SPRED2: variants seen among roughly 807,000 people sequenced by gnomAD.
SPRED2 encodes sprouty related EVH1 domain containing 2, also known as sprouty-related, EVH1 domain-containing protein 2.
SPRED2 carries 47 observed loss-of-function variants against 43.0 expected under a neutral mutation model. The ratio of observed to expected loss-of-function variants is 1.09; its 90% CI spans 0.87 to 1.40. The LOEUF (loss-of-function observed/expected upper bound fraction) is 1.40. SPRED2 is among the 40% of genes most tolerant of loss of function. The pLI is 0.00. For synonymous variants in SPRED2, 225 were observed against 225.7 expected (o/e 1.00, Z 0.03); for missense variants, 561 against 586.4 (o/e 0.96, Z 0.45).
In SPRED2 at chr2:65,317,378, T is replaced by C. The variant is rs575207854; in HGVS notation, c.439-495A>G. On this transcript the variant is annotated intron_variant, in intron 4 of 5. Transcript: ENST00000356388. Reference sequence around the variant, plus strand: ...AAATACAAAAATTAGGCAGGCATGGTGGCAGGTGCCTATAATCCCAGCTAC... The same window carrying C: ...AAATACAAAAATTAGGCAGGCATGGCGGCAGGTGCCTATAATCCCAGCTAC... Among the ~76,000 whole-genome samples, 10 of 152,244 alleles carry C rather than the reference T, an allele frequency of 6.6e-5. No individual in the cohort carries two copies. In the East Asian group the frequency reaches 1.7e-3, roughly 26 times the overall value.
At chr2:65,334,374 A>T in intron 3 of SPRED2, 1 of 619,590 alleles carries the variant, frequency 1.6e-6, no homozygotes, top group East Asian at 3.3e-5. Flanking sequence ...TTTTCACAGC[A>T]GAGTCTAAAA....
At chr2:65,332,076 A>C in intron 3 of SPRED2, 25 bp from the exon 4 acceptor site, 1 of 1,538,566 alleles carries the variant, frequency 6.5e-7, no homozygotes, top group Non-Finnish European at 8.9e-7. Flanking sequence ...ATGTAATAAA[A>C]AGTGTTTCCC....
chr2:65,429,712 C>T (rs1474942433), intron 1 of SPRED2, among the ~76,000 whole-genome samples: 4 of 152,182 alleles, frequency 2.6e-5, no homozygotes, highest in Admixed American at 2.6e-4. Context: ...AAGTTTTGAG[C>T]CAAGGTCATC....
At chr2:65,397,876 T>A (rs531546528) in intron 1 of SPRED2, among the ~76,000 whole-genome samples, 1 of 151,940 alleles carries the variant, frequency 6.6e-6, no homozygotes, top group South Asian at 2.1e-4. Context: ...TTCACAGAAC[T>A]AGAAAAAAAA....
chr2:65,340,975 A>G (rs1425471590), intron 2 of SPRED2, among the ~76,000 whole-genome samples: 1 of 151,662 alleles, frequency 6.6e-6, no homozygotes, highest in African/African-American at 2.4e-5. Context: ...TCCAGTGGGC[A>G]CTAGCATTGC....
intron 1 of SPRED2, among the ~76,000 whole-genome samples, chr2:65,360,668 G>C (rs749659127): frequency 9.9e-5 from 15 of 152,114 alleles, no homozygotes; most frequent in East Asian, 1.9e-4. Context: ...TGCCAGAGGC[G>C]GGGGGCTGGG....
chr2:65,309,346 T>A (rs764840759), downstream of SPRED2, among the ~76,000 whole-genome samples: 13 of 150,388 alleles, frequency 8.6e-5, no homozygotes, highest in African/African-American at 3.2e-4. Flanking sequence ...ATGAAAAAAA[T>A]TTAAAAACAG....
intron 2 of SPRED2, among the ~76,000 whole-genome samples, chr2:65,342,445 ATATATAT>A (rs1461615957): frequency 1.3e-5 from 2 of 149,060 alleles, no homozygotes; most frequent in African/African-American, 4.9e-5. Flanking sequence ...TATATTTTGT[ATATATAT>A]TATATATGTA....
At position 65,348,338 on chromosome 2, in the gene SPRED2, G is replaced by A. The variant is rs182449503; in HGVS notation, c.27-3442C>T. Among the ~76,000 whole-genome samples, 7 of 152,206 alleles carry A rather than the reference G, an allele frequency of 4.6e-5. No homozygotes were observed. The East Asian group carries it at 1.2e-3, about 25-fold the overall frequency. ...GCTTTCTATATGCTACTAAATCAAT[G>A]CTTGCTCAATAAAATATCTGCTTGC... is the stretch of plus-strand genomic sequence containing the variant. On this transcript the variant is annotated intron_variant, in intron 1 of 5. Transcript: ENST00000356388.
Position 65,432,102 on chromosome 2 carries a change from G to T in SPRED2, c.-115C>A. On this transcript the variant is annotated 5_prime_UTR_variant, in exon 1 of 6. Coordinates refer to ENST00000356388, the MANE Select transcript of SPRED2 (RefSeq NM_181784.3). ...GAGATCGCCTGATTTGGGGAGGGGG[G>T]GCGGCTAGAGATGAAGAGGGCGCCG... 1 of 1,389,678 alleles carries T rather than the reference G, an allele frequency of 7.2e-7. No homozygotes were observed. Among genetic ancestry groups the T allele is most frequent in the African/African-American group, 1.4e-5 (1 of 70,532 alleles). 86.1% of individuals were successfully genotyped at this position (1,389,678 alleles called of 1,614,324 possible). A position where few individuals can be genotyped will look rare whatever the true frequency, so the allele number is the denominator to read the frequency against.
chr2:65,363,005 G>GTTTTTTTTTT (rs113081105), intron 1 of SPRED2, among the ~76,000 whole-genome samples: 20 of 121,100 alleles, frequency 1.7e-4, no homozygotes, highest in African/African-American at 6.1e-4. Flanking sequence ...ATCATGTTTT[G>GTTTTTTTTTT]TTTTTTTTTT....
At chr2:65,396,726 CT>C (rs1290831976) in intron 1 of SPRED2, among the ~76,000 whole-genome samples, 1 of 152,220 alleles carries the variant, frequency 6.6e-6, no homozygotes, top group African/African-American at 2.4e-5. Context: ...CCAGCTTCCC[CT>C]GTCTCCTCCA....
At chr2:65,324,736 C>A (rs547754818) in intron 4 of SPRED2, among the ~76,000 whole-genome samples, 33 of 152,244 alleles carry the variant, frequency 2.2e-4, no homozygotes, top group African/African-American at 7.9e-4. Flanking sequence ...CCAGGCCAGA[C>A]GAGCTGAGGA....
chr2:65,308,193 C>T (rs557151951), downstream of SPRED2: 9 of 615,654 alleles, frequency 1.5e-5, no homozygotes, highest in East Asian at 7.1e-4. Context: ...CCCCAAAGGC[C>T]AGAGAAGCGG....
At chr2:65,393,632 T>G (rs891773900) in intron 1 of SPRED2, among the ~76,000 whole-genome samples, 1 of 152,146 alleles carries the variant, frequency 6.6e-6, no homozygotes, top group Non-Finnish European at 1.5e-5. Flanking sequence ...ACTGCGCCTA[T>G]TATTTTTTGT....
intron 2 of SPRED2, among the ~76,000 whole-genome samples, chr2:65,342,286 T>G (rs1674212315): frequency 7.1e-6 from 1 of 141,500 alleles, no homozygotes; most frequent in Admixed American, 7.2e-5. Flanking sequence ...ACGTATATTA[T>G]GTATGTATAT....
At chr2:65,316,447 T>G (rs1214224184) in intron 5 of SPRED2, among the ~76,000 whole-genome samples, 1 of 152,204 alleles carries the variant, frequency 6.6e-6, no homozygotes, top group Non-Finnish European at 1.5e-5. Context: ...AGCCTCAGCT[T>G]CCTCATCGAT....
In SPRED2 at chr2:65,322,289, TA is replaced by T. The variant is rs869286450; in HGVS notation, c.439-5407del. 5.4e-3 allele frequency among the ~76,000 whole-genome samples: 527 copies of T among 97,972 alleles called. 20 individuals carry two copies. Among genetic ancestry groups the T allele is most frequent in the Non-Finnish European group, 7.7e-3 (404 of 52,306 alleles). 64.3% of individuals were successfully genotyped at this position (97,972 alleles called of 152,430 possible). On this transcript the variant is annotated intron_variant, in intron 4 of 5. Transcript: ENST00000356388. ...CTCTCTCTATATATATATATATATA[TA>T]TATATTTTTTTTTTTTTTTTTGAGA...
chr2:65,401,522 G>A (rs1278685625), intron 1 of SPRED2, among the ~76,000 whole-genome samples: 2 of 151,830 alleles, frequency 1.3e-5, no homozygotes, highest in Admixed American at 1.3e-4. Flanking sequence ...TTGGCCAGGC[G>A]CGGTGGCTCA....
Sources: allele counts gnomAD v4.1 joint callset (sites outside exome capture counted in the v4.1 genomes callset), GRCh38; gene constraint gnomAD v4.1.1; transcripts MANE v1.5; gene names NCBI Gene and HGNC (gene_info 2026-07-23, HGNC 2026-07-21).